SLCO1A2: variants seen among roughly 807,000 people sequenced by gnomAD.
SLCO1A2 encodes the protein OATP-1.
SLCO1A2 carries 67 observed loss-of-function variants against 69.0 expected under a neutral mutation model. The observed-to-expected ratio is 0.97, with a 90% CI of 0.80 to 1.19. The LOEUF is 1.19. SLCO1A2 is among the 50% of genes most tolerant of loss of function. The pLI is 0.00. For missense variants in SLCO1A2, 787 were observed against 793.7 expected (o/e 0.99, Z 0.10); for synonymous variants, 260 against 265.9 (o/e 0.98, Z 0.22).
At chr12:21,357,987 C>T (rs970409747) in intron 2 of SLCO1A2, among the ~76,000 whole-genome samples, 12 of 152,050 alleles carry the variant, frequency 7.9e-5, no homozygotes, top group Admixed American at 5.9e-4. Context: ...CTTACTCAGA[C>T]TTTGGTGGGT....
chr12:21,400,156 C>G (rs1288776430), upstream of SLCO1A2, among the ~76,000 whole-genome samples: 1 of 152,102 alleles, frequency 6.6e-6, no homozygotes, highest in South Asian at 2.1e-4. Context: ...CCAGAATCTA[C>G]AATGGGCTCA....
At chr12:21,300,751 G>T (rs1223965593) in intron 7 of SLCO1A2, among the ~76,000 whole-genome samples, 182 bp from the exon 8 acceptor site, 6 of 152,046 alleles carry the variant, frequency 3.9e-5, no homozygotes, top group African/African-American at 1.4e-4. Context: ...AATAAATTAG[G>T]CTGGTTATCT....
chr12:21,353,524 G>C (rs896682324), intron 2 of SLCO1A2, among the ~76,000 whole-genome samples: 2 of 152,096 alleles, frequency 1.3e-5, no homozygotes, highest in African/African-American at 4.8e-5. Flanking sequence ...GCAAAGCTCA[G>C]TGGCTTTGGT....
intron 12 of SLCO1A2, among the ~76,000 whole-genome samples, chr12:21,279,342 A>ATT (rs1944407589): frequency 6.6e-6 from 1 of 152,198 alleles, no homozygotes; most frequent in Non-Finnish European, 1.5e-5. Flanking sequence ...AAAGGTATTG[A>ATT]TTCCAAGTGC....
chr12:21,341,610 T>C (rs1246422582), intron 2 of SLCO1A2, among the ~76,000 whole-genome samples: 1 of 152,070 alleles, frequency 6.6e-6, no homozygotes, highest in Admixed American at 6.6e-5. Context: ...GAGTGTAATT[T>C]AGAAAACTGG....
In SLCO1A2 at chr12:21,375,728, A is replaced by C. The variant is rs192226504; in HGVS notation, c.-189-1203T>G. 5.0e-4 allele frequency among the ~76,000 whole-genome samples: 76 copies of C among 152,342 alleles called. 1 individual carries two copies. The highest frequency in any genetic ancestry group is 4.4e-5 in the Non-Finnish European group (3 of 68,014). On this transcript the variant is annotated intron_variant, in intron 1 of 15. Coordinates refer to the SLCO1A2 transcript ENST00000307378. The stretch of plus-strand genomic sequence containing the variant: ...GGGACTCACTTTAAAGTCATTTTGA[A>C]AACTCTGGAGAGACAATTTAAAAGA...
intron 2 of SLCO1A2, among the ~76,000 whole-genome samples, chr12:21,371,068 A>G (rs1184559739): frequency 2.0e-5 from 3 of 152,216 alleles, no homozygotes; most frequent in Non-Finnish European, 4.4e-5. Context: ...TTTTGCAGTC[A>G]TATTTATACC....
At chr12:21,310,203 G>A (rs1028844282) in intron 4 of SLCO1A2, among the ~76,000 whole-genome samples, 11 of 152,150 alleles carry the variant, frequency 7.2e-5, no homozygotes, top group Admixed American at 5.9e-4. Flanking sequence ...GACATTGCAC[G>A]TTTGGTTCCA....
rs2136027666 is a variant in SLCO1A2 at position 21,269,204 on chromosome 12, TAG to T, written c.*342_*343del. The T allele has an allele frequency of 6.1e-6, 1 of 163,078 alleles. No individual in the cohort carries two copies. The highest frequency in any genetic ancestry group is 1.3e-5 in the Non-Finnish European group (1 of 75,664). The allele number at this position is 163,078 out of a possible 1,614,324, so 10.1% of individuals were successfully genotyped here. A position where few individuals can be genotyped will look rare whatever the true frequency, so the allele number is the denominator to read the frequency against. ...AAAGAACAAATTTAGTGGAATTAAA[TAG>T]GTTTTCATAACAGAAAATTTTTAGA... On this transcript the variant is annotated 3_prime_UTR_variant, in exon 15 of 15. Transcript: ENST00000683939.
chr12:21,339,756 T>C (rs1953006817), upstream of SLCO1A2, among the ~76,000 whole-genome samples: 1 of 151,804 alleles, frequency 6.6e-6, no homozygotes, highest in South Asian at 2.1e-4. Flanking sequence ...GCTTTCCCCT[T>C]CTCCACAACC....
At chr12:21,354,630 G>C (rs1938216621) in intron 2 of SLCO1A2, among the ~76,000 whole-genome samples, 1 of 152,218 alleles carries the variant, frequency 6.6e-6, no homozygotes, top group East Asian at 1.9e-4. Context: ...CATTGTATCT[G>C]TTTCTGTCCT....
At chr12:21,317,283 C>T (rs1337588345) in intron 3 of SLCO1A2, among the ~76,000 whole-genome samples, 1 of 152,162 alleles carries the variant, frequency 6.6e-6, no homozygotes, top group Non-Finnish European at 1.5e-5. Context: ...TCTGCAGGCT[C>T]ACATTCCTAA....
chr12:21,289,340 T>C (rs755537290), intron 12 of SLCO1A2, among the ~76,000 whole-genome samples: 22 of 152,056 alleles, frequency 1.4e-4, no homozygotes, highest in Non-Finnish European at 3.2e-4. Flanking sequence ...TTGTCATTCT[T>C]AAGGAGATTG....
chr12:21,292,877 G>A (rs141509571), intron 11 of SLCO1A2, among the ~76,000 whole-genome samples: 15 of 152,196 alleles, frequency 9.9e-5, no homozygotes, highest in African/African-American at 3.4e-4. Flanking sequence ...TCCTAGGTGT[G>A]AGACACCGCG....
intron 1 of SLCO1A2, among the ~76,000 whole-genome samples, chr12:21,389,791 G>A (rs1468409404): frequency 6.6e-6 from 1 of 151,374 alleles, no homozygotes; most frequent in African/African-American, 2.4e-5. Context: ...TGAAGAAAAA[G>A]ACTCATGCAC....
chr12:21,343,236 T>C (rs930566357), intron 2 of SLCO1A2, among the ~76,000 whole-genome samples: 1 of 152,162 alleles, frequency 6.6e-6, no homozygotes, highest in Non-Finnish European at 1.5e-5. Flanking sequence ...CCATTTTCTC[T>C]GACATCTCCT....
chr12:21,400,339 A>C (rs1392739665), upstream of SLCO1A2, among the ~76,000 whole-genome samples: 1 of 152,082 alleles, frequency 6.6e-6, no homozygotes, highest in African/African-American at 2.4e-5. Context: ...ACCATCTCAC[A>C]CCAGTTAGAA....
intron 2 of SLCO1A2, among the ~76,000 whole-genome samples, chr12:21,359,878 A>G (rs1938687951): frequency 6.6e-6 from 1 of 152,248 alleles, no homozygotes; most frequent in Admixed American, 6.5e-5. Context: ...ATAGCCTCAA[A>G]CTAGAAACAA....
chr12:21,395,510 TG>T (rs1941410553), upstream of SLCO1A2: 1 of 153,592 alleles, frequency 6.5e-6, no homozygotes, highest in Admixed American at 6.5e-5. Flanking sequence ...TCGAACTGGG[TG>T]GAGCCCACCA....
Sources: allele counts gnomAD v4.1 joint callset (sites outside exome capture counted in the v4.1 genomes callset), GRCh38; gene constraint gnomAD v4.1.1; transcripts MANE v1.5; gene names NCBI Gene and HGNC (gene_info 2026-07-23, HGNC 2026-07-21).